LTBP1: variants seen among roughly 807,000 people sequenced by gnomAD.
The protein encoded by LTBP1 is latent transforming growth factor beta binding protein 1.
In LTBP1, 129 loss-of-function variants were observed where a neutral mutation model predicts 207.6. That is an observed-to-expected ratio of 0.62 (90% CI 0.54 to 0.72). The LOEUF (loss-of-function observed/expected upper bound fraction) is 0.72. Among genes scored for constraint, LTBP1 ranks in the 30% least tolerant of loss-of-function variants. The pLI, the probability that LTBP1 is intolerant of heterozygous loss-of-function variation, is 0.00. For synonymous variants in LTBP1, 963 were observed against 833.7 expected (o/e 1.16, Z -2.67); for missense variants, 2,281 against 2,217.2 (o/e 1.03, Z -0.58).
intron 31 of LTBP1, among the ~76,000 whole-genome samples, chr2:33,370,027 CTT>C (rs767363944): frequency 0.036 from 5,384 of 151,460 alleles, 100 homozygotes; most frequent in Middle Eastern, 0.051. Flanking sequence ...GGTTTGGCAA[CTT>C]CTTTTCCCCA....
rs1035509798 is a variant in LTBP1, at chr2:33,192,498, G to A, written c.1701+3647G>A. ...GAAAAAACAATCAGACATTGACAAC[G>A]TAGGGCATTGTTGCCTGGTTTCTTA... On this transcript the variant is annotated intron_variant, in intron 7 of 33. Coordinates refer to ENST00000404816, the MANE Select transcript of LTBP1 (RefSeq NM_206943.4). 2.6e-5 allele frequency among the ~76,000 whole-genome samples: 4 copies of A among 151,384 alleles called. No individual in the cohort carries two copies. In the East Asian group the frequency reaches 5.8e-4, roughly 22 times the overall value.
chr2:33,270,331 T>C (rs2093289410), intron 15 of LTBP1, among the ~76,000 whole-genome samples: 1 of 152,038 alleles, frequency 6.6e-6, no homozygotes, highest in South Asian at 2.1e-4. Flanking sequence ...GGCTCACGCC[T>C]GTAATCCCAG....
chr2:33,310,021 C>A (rs1573762831), intron 23 of LTBP1, among the ~76,000 whole-genome samples: 1 of 150,496 alleles, frequency 6.6e-6, no homozygotes, highest in African/African-American at 2.5e-5. Context: ...GATCTCGGCT[C>A]ACTGCAACCT....
intron 2 of LTBP1, among the ~76,000 whole-genome samples, chr2:33,015,808 A>G (rs574365396): frequency 9.2e-5 from 14 of 152,162 alleles, no homozygotes; most frequent in Non-Finnish European, 2.1e-4. Context: ...CATGAGGCAA[A>G]TGGGGAGCAA....
chr2:33,001,985 C>T (rs1343010064), intron 2 of LTBP1, among the ~76,000 whole-genome samples: 1 of 134,530 alleles, frequency 7.4e-6, no homozygotes, highest in Non-Finnish European at 1.6e-5. Context: ...GGTGTCCTGT[C>T]AGTGGCCAAG....
intron 31 of LTBP1, among the ~76,000 whole-genome samples, chr2:33,369,253 T>C (rs1373963654): frequency 6.6e-6 from 1 of 152,156 alleles, no homozygotes; most frequent in South Asian, 2.1e-4. Flanking sequence ...ATATCCACAG[T>C]TATTATGATA....
At chr2:33,378,359 G>A (rs1175739123) in intron 31 of LTBP1, among the ~76,000 whole-genome samples, 1 of 151,780 alleles carries the variant, frequency 6.6e-6, no homozygotes, top group Non-Finnish European at 1.5e-5. Context: ...CCGAGTAGCT[G>A]GGACTACAGG....
chr2:33,356,040 G>GCT (rs374113386), intron 26 of LTBP1, among the ~76,000 whole-genome samples: 41 of 151,994 alleles, frequency 2.7e-4, no homozygotes, highest in African/African-American at 9.7e-4. Flanking sequence ...AGGTTCTGCA[G>GCT]CTCACTGCAC....
At chr2:33,296,231 ATT>A (rs200434858) in intron 20 of LTBP1, among the ~76,000 whole-genome samples, 1 of 151,788 alleles carries the variant, frequency 6.6e-6, no homozygotes, top group African/African-American at 2.4e-5. Flanking sequence ...AATCTGCCTA[ATT>A]TTTTTCATCT....
intron 10 of LTBP1, among the ~76,000 whole-genome samples, chr2:33,245,677 G>T (rs1243732363): frequency 6.6e-6 from 1 of 152,222 alleles, no homozygotes; most frequent in Non-Finnish European, 1.5e-5. Flanking sequence ...CATTGTTGAT[G>T]ACATCCAGAT....
chr2:33,393,234 C>CTTTTTTTTTTTTTTTTTTTTCTTTTTT (rs2095330657), intron 32 of LTBP1, among the ~76,000 whole-genome samples: 1 of 48,746 alleles, frequency 2.1e-5, no homozygotes, highest in Non-Finnish European at 3.8e-5. Context: ...CCTTCTTCTT[C>CTTTTTTTTTTTTTTTTTTTTCTTTTTT]TTTTTTTTTT....
chr2:33,108,858 G>A (rs2080225145), intron 3 of LTBP1, among the ~76,000 whole-genome samples: 1 of 152,168 alleles, frequency 6.6e-6, no homozygotes, highest in Admixed American at 6.5e-5. Context: ...TTCACTTGCT[G>A]CTCTATCCCA....
chr2:33,279,652 T>C (rs1487429042), intron 18 of LTBP1, among the ~76,000 whole-genome samples: 1 of 152,202 alleles, frequency 6.6e-6, no homozygotes, highest in East Asian at 1.9e-4. Context: ...AACCTCTAGC[T>C]GGGTGGATAC....
chr2:33,041,527 C>G (rs1032501221), intron 3 of LTBP1, among the ~76,000 whole-genome samples: 2 of 152,220 alleles, frequency 1.3e-5, no homozygotes, highest in African/African-American at 4.8e-5. Context: ...TGTGATCCAC[C>G]TGCCTCTGCA....
chr2:33,295,028 A>G (rs1440066117), intron 20 of LTBP1, among the ~76,000 whole-genome samples: 2 of 151,776 alleles, frequency 1.3e-5, no homozygotes, highest in African/African-American at 4.8e-5. Context: ...GAACATTCTC[A>G]TTTCATATAT....
intron 7 of LTBP1, among the ~76,000 whole-genome samples, chr2:33,192,583 AAAT>A (rs765337742): frequency 9.9e-5 from 15 of 152,172 alleles, no homozygotes; most frequent in Non-Finnish European, 1.9e-4. Flanking sequence ...GAGACACAAA[AAAT>A]AAGTGTAATA....
chr2:33,254,376 T>C (rs1252105455), intron 11 of LTBP1, among the ~76,000 whole-genome samples: 1 of 152,112 alleles, frequency 6.6e-6, no homozygotes, highest in Admixed American at 6.5e-5. Flanking sequence ...TTGATAGCTT[T>C]ATAATCCTTA....
chr2:33,293,054 C>T (rs2093805873), intron 19 of LTBP1, 106 bp from the exon 20 acceptor site: 2 of 1,144,436 alleles, frequency 1.7e-6, no homozygotes, highest in Non-Finnish European at 2.4e-6. Flanking sequence ...AAGAATCTGC[C>T]TGGTCTTCTG....
At chr2:33,356,241 G>C (rs1402555980) in intron 26 of LTBP1, among the ~76,000 whole-genome samples, 1 of 152,206 alleles carries the variant, frequency 6.6e-6, no homozygotes, top group Non-Finnish European at 1.5e-5. Context: ...GGAAGCAATC[G>C]TGATGAATCA....
Sources: gnomAD v4.1 joint callset for allele counts (sites outside exome capture counted in the v4.1 genomes callset) on GRCh38, gnomAD v4.1.1 for gene constraint, MANE v1.5 for transcripts, NCBI Gene and HGNC (gene_info 2026-07-23, HGNC 2026-07-21) for gene names.